The following KATNAL2 variants were observed in gnomAD, a reference collection of about 807,000 sequenced individuals.
KATNAL2 encodes the protein katanin p60 ATPase-containing subunit A-like 2.
In KATNAL2, 52 loss-of-function variants were observed where a neutral mutation model predicts 76.3. The ratio of observed to expected loss-of-function variants is 0.68; its 90% CI spans 0.55 to 0.86. The LOEUF is 0.86. KATNAL2 is among the 40% of genes least tolerant of loss of function. The probability of loss-of-function intolerance (pLI) is 0.00; values close to 1 mark genes in which losing one functional copy is unlikely to be tolerated. For missense variants in KATNAL2, 660 were observed against 668.9 expected (o/e 0.99, Z 0.15); for synonymous variants, 243 against 244.2 (o/e 1.00, Z 0.05).
At chr18:47,069,735 C>A in intron 13 of KATNAL2, 135 bp downstream of exon 13, 1 of 586,624 alleles carries the variant, frequency 1.7e-6, no homozygotes, top group Non-Finnish European at 3.0e-6. Context: ...TGATTACCAG[C>A]AGCTTGGGAA....
chr18:46,923,657 T>A (rs1288326186), intron 1 of KATNAL2, among the ~76,000 whole-genome samples: 2 of 152,306 alleles, frequency 1.3e-5, no homozygotes, highest in South Asian at 4.1e-4. Flanking sequence ...CACACTGACT[T>A]CCACAATGGT....
rs1349576231 is a variant in KATNAL2 at position 47,101,911 on chromosome 18, T to C, written c.*906T>C. 1 of 152,200 alleles carries C rather than the reference T, an allele frequency of 6.6e-6. No individual in the cohort carries two copies. Among genetic ancestry groups the C allele is most frequent in the Non-Finnish European group, 1.5e-5 (1 of 68,056 alleles). 9.4% of individuals were successfully genotyped at this position (152,200 alleles called of 1,614,324 possible). On this transcript the variant is annotated 3_prime_UTR_variant, in exon 18 of 18. Coordinates refer to ENST00000683218, the MANE Select transcript of KATNAL2 (RefSeq NM_001387690.1). ...ATCCGAGGCATCTACTTTCAACCCT[T>C]GATAAATTTTGAAGGCTTCTACTAA... is the stretch of plus-strand genomic sequence containing the variant.
rs923151636 is a variant in KATNAL2, at chr18:46,932,155, C to T, written c.-509-13902C>T. On this transcript the variant is annotated intron_variant, in intron 1 of 17. Transcript: ENST00000683218. The stretch of plus-strand genomic sequence containing the variant: ...CTCGATCTCCTGACCTCGTGATCCG[C>T]CCGCCTTGGCCTCCCAAAGTGCTGG... Among the ~76,000 whole-genome samples, 9 of 152,224 alleles carry T rather than the reference C, an allele frequency of 5.9e-5. No homozygotes were observed. In the East Asian group the frequency reaches 1.7e-3, roughly 29 times the overall value.
chr18:47,031,170 A>G (rs1361443852), intron 3 of KATNAL2, among the ~76,000 whole-genome samples: 16 of 146,750 alleles, frequency 1.1e-4, no homozygotes, highest in South Asian at 2.3e-4. Flanking sequence ...CCTGTGACCA[A>G]TCTTGGAAGA....
At chr18:46,923,098 T>C (rs1274113805) in intron 1 of KATNAL2, among the ~76,000 whole-genome samples, 1 of 151,128 alleles carries the variant, frequency 6.6e-6, no homozygotes, top group Non-Finnish European at 1.5e-5. Flanking sequence ...AGTTTTAGGG[T>C]ACATGTGCAC....
intron 1 of KATNAL2, among the ~76,000 whole-genome samples, chr18:46,937,708 G>A (rs994909758): frequency 2.6e-5 from 4 of 152,124 alleles, no homozygotes; most frequent in African/African-American, 9.7e-5. Flanking sequence ...TAGGAGACAT[G>A]TACAAGGATA....
At chr18:47,056,877 A>C (rs2061486248) in intron 6 of KATNAL2, among the ~76,000 whole-genome samples, 2 of 152,128 alleles carry the variant, frequency 1.3e-5, no homozygotes, top group South Asian at 4.1e-4. Flanking sequence ...CTCTTGAGTC[A>C]ACACTATTAA....
intron 3 of KATNAL2, among the ~76,000 whole-genome samples, chr18:47,040,724 G>C (rs561531154): frequency 6.6e-6 from 1 of 152,092 alleles, no homozygotes; most frequent in African/African-American, 2.4e-5. Context: ...ACTTCAGCCC[G>C]GGTGTTCAAG....
intron 3 of KATNAL2, chr18:47,035,433 A>G: frequency 2.1e-6 from 3 of 1,406,212 alleles, no homozygotes; most frequent in Non-Finnish European, 2.8e-6. Context: ...GCAGCAGGCC[A>G]CTTGGTCTGG....
intron 3 of KATNAL2, among the ~76,000 whole-genome samples, chr18:46,962,277 C>A (rs991840386): frequency 4.6e-5 from 6 of 131,338 alleles, no homozygotes; most frequent in African/African-American, 2.0e-4. Flanking sequence ...GGATGGCCGA[C>A]GATTACAGGA....
chr18:47,057,868 C>T (rs932019480), intron 6 of KATNAL2, among the ~76,000 whole-genome samples: 7 of 152,188 alleles, frequency 4.6e-5, no homozygotes, highest in Non-Finnish European at 7.3e-5. Context: ...ACACCTTTCT[C>T]CTGGTCTAAT....
chr18:46,953,116 G>A (rs112482502), intron 3 of KATNAL2, among the ~76,000 whole-genome samples: 2,995 of 151,766 alleles, frequency 0.02, 96 homozygotes, highest in African/African-American at 0.069. Context: ...GGATGGTCTC[G>A]ATCTCCTGAC....
chr18:46,935,616 T>C (rs1490263847), intron 1 of KATNAL2, among the ~76,000 whole-genome samples: 2 of 151,720 alleles, frequency 1.3e-5, no homozygotes, highest in African/African-American at 4.9e-5. Context: ...TAAGTTTACA[T>C]TGAAAAAGAA....
rs2147059248 is a variant in KATNAL2, at chr18:47,046,385, T to G, written c.52-72T>G. The G allele has an allele frequency of 4.8e-6, 5 of 1,036,270 alleles. No homozygotes were observed. The East Asian group carries it at 1.3e-4, about 27-fold the overall frequency. 64.2% of individuals were successfully genotyped at this position (1,036,270 alleles called of 1,614,324 possible). On this transcript the variant is annotated intron_variant, in intron 3 of 17. Coordinates refer to ENST00000683218, the MANE Select transcript of KATNAL2 (RefSeq NM_001387690.1). ...TTGGCTTTGACAGGTTACATTTACCTTCCAGGGTTTATTGCCGTAGGAGCA... is the reference window on the plus strand; with the variant it reads ...TTGGCTTTGACAGGTTACATTTACCGTCCAGGGTTTATTGCCGTAGGAGCA...
intron 3 of KATNAL2, 113 bp downstream of exon 3, chr18:46,947,036 G>A (rs1209469704): frequency 1.2e-6 from 1 of 800,492 alleles, no homozygotes; most frequent in African/African-American, 1.7e-5. Flanking sequence ...TACTAGAGAA[G>A]CGCAAACGCA....
Position 46,960,079 on chromosome 18 carries a change from C to T in KATNAL2, c.51+13156C>T, listed in dbSNP as rs965707853. Reference sequence around the variant, plus strand: ...ATTGGATTATGTGATTTTTGGACAACGTAATTATGAGAGAAGGCCTTCTAT... The same window carrying T: ...ATTGGATTATGTGATTTTTGGACAATGTAATTATGAGAGAAGGCCTTCTAT... On this transcript the variant is annotated intron_variant, in intron 3 of 17. Transcript: ENST00000683218. Among the ~76,000 whole-genome samples, 9 of 152,028 alleles carry T rather than the reference C, an allele frequency of 5.9e-5. No individual in the cohort carries two copies. The South Asian group carries it at 6.2e-4, about 11-fold the overall frequency.
At position 47,059,601 on chromosome 18, in the gene KATNAL2, C is replaced by G; in HGVS notation, c.496C>G (p.His166Asp). The G allele has an allele frequency of 6.2e-7, 1 of 1,613,782 alleles. No individual in the cohort carries two copies. Among genetic ancestry groups the G allele is most frequent in the South Asian group, 1.1e-5 (1 of 91,078 alleles). The change falls in exon 8 of 18, where the codon CAT (histidine) becomes GAT (aspartate). Residue 166 changes from histidine to aspartate, a missense_variant. Transcript: ENST00000683218. ...TRLESANFGLHISRIRKDSGE... is the reference protein window; with the variant it reads ...TRLESANFGLDISRIRKDSGE... ...CCTGGAAAGTGCCAACTTCGGCCTA[C>G]ATATATCAAGAATCCGTAAAGACAG...
intron 3 of KATNAL2, among the ~76,000 whole-genome samples, chr18:46,951,834 G>A (rs905654310): frequency 2.6e-5 from 4 of 151,974 alleles, no homozygotes; most frequent in South Asian, 2.1e-4. Context: ...GCAGTGGCCC[G>A]ACCTTGGCTC....
At chr18:47,077,643 T>A (rs1439409136) in intron 15 of KATNAL2, 182 bp downstream of exon 15, 2 of 533,468 alleles carry the variant, frequency 3.7e-6, no homozygotes, top group African/African-American at 3.8e-5. Flanking sequence ...AAGATCTGCC[T>A]TAACAGAGGA....
Sources: gnomAD v4.1 joint callset for allele counts (sites outside exome capture counted in the v4.1 genomes callset) on GRCh38, gnomAD v4.1.1 for gene constraint, MANE v1.5 for transcripts, NCBI Gene and HGNC (gene_info 2026-07-23, HGNC 2026-07-21) for gene names.